LRP1B: variants seen among roughly 807,000 people sequenced by gnomAD.
LRP1B encodes low-density lipoprotein receptor-related protein 1B.
LRP1B carries 217 observed loss-of-function variants against 556.6 expected under a neutral mutation model. That is an observed-to-expected ratio of 0.39 (90% CI 0.35 to 0.44). LRP1B has a LOEUF of 0.44. Ranked by LOEUF, LRP1B falls within the 20% of genes least tolerant of loss-of-function variation. The pLI, the probability that LRP1B is intolerant of heterozygous loss-of-function variation, is 1.00. For synonymous variants in LRP1B, 2,047 were observed against 1,865.8 expected, an observed-to-expected ratio of 1.10 and a Z score of -2.50; for missense variants, 5,053 against 5,620.8, an observed-to-expected ratio of 0.90 and a Z score of 3.23.
At chr2:141,722,441 T>C (rs1692856880) in intron 2 of LRP1B, among the ~76,000 whole-genome samples, 2 of 152,072 alleles carry the variant, frequency 1.3e-5, no homozygotes, top group Non-Finnish European at 2.9e-5. Flanking sequence ...CGGTTAGATA[T>C]CTTTGGTGCA....
chr2:142,022,041 G>A (rs1251469385), intron 1 of LRP1B, among the ~76,000 whole-genome samples: 2 of 151,968 alleles, frequency 1.3e-5, no homozygotes, highest in Admixed American at 1.3e-4. Context: ...AGAACACAAC[G>A]AGCATGAAAC....
chr2:140,905,969 T>C (rs1475280498), intron 22 of LRP1B, among the ~76,000 whole-genome samples: 1 of 152,152 alleles, frequency 6.6e-6, no homozygotes, highest in Admixed American at 6.6e-5. Context: ...AAAAATCTCT[T>C]CACTAGAATC....
chr2:141,416,435 A>T (rs1691103496), intron 3 of LRP1B, among the ~76,000 whole-genome samples: 1 of 146,678 alleles, frequency 6.8e-6, no homozygotes, highest in Non-Finnish European at 1.5e-5. Flanking sequence ...AATTCTTAAT[A>T]TTTGACAGCC....
intron 3 of LRP1B, among the ~76,000 whole-genome samples, chr2:141,359,886 G>A (rs976166546): frequency 2.6e-5 from 4 of 151,816 alleles, no homozygotes; most frequent in South Asian, 2.1e-4. Context: ...GTGAATACTG[G>A]TAGCCAAGTA....
intron 31 of LRP1B, among the ~76,000 whole-genome samples, chr2:140,816,639 C>G (rs924750752): frequency 6.6e-6 from 1 of 152,028 alleles, no homozygotes; most frequent in Non-Finnish European, 1.5e-5. Flanking sequence ...TCACATAACT[C>G]CCTCCATATA....
chr2:141,826,234 T>C (rs549331607), intron 1 of LRP1B, among the ~76,000 whole-genome samples: 4 of 151,352 alleles, frequency 2.6e-5, no homozygotes, highest in Non-Finnish European at 5.9e-5. Context: ...TATTGTTCTG[T>C]ATATTCCCAT....
At chr2:141,902,316 T>G (rs1699641653) in intron 1 of LRP1B, among the ~76,000 whole-genome samples, 1 of 151,896 alleles carries the variant, frequency 6.6e-6, no homozygotes, top group Non-Finnish European at 1.5e-5. Flanking sequence ...CTGTTAAATT[T>G]TTATTAATTT....
rs79457767 is a variant in LRP1B at position 140,713,392 on chromosome 2, A to C, written c.6023+2581T>G. Among the ~76,000 whole-genome samples the C allele has an allele frequency of 6.5e-3, 984 of 150,908 alleles. 5 individuals are homozygous for C. The highest frequency in any genetic ancestry group is 0.023 in the African/African-American group (936 of 41,126). ...GCCTCCCTCTTACATATTTGTCTTG[A>C]GCTCTCTCCATTACTTGGCTTGAGG... On this transcript the variant is annotated intron_variant, in intron 37 of 90. Coordinates refer to ENST00000389484, the MANE Select transcript of LRP1B (RefSeq NM_018557.3).
chr2:140,357,937 CT>C (rs2105134361), intron 74 of LRP1B, 41 bp downstream of exon 74: 1 of 1,581,020 alleles, frequency 6.3e-7, no homozygotes. Context: ...AGAAGTTAGA[CT>C]TGTGTATCCC....
chr2:140,683,720 G>A (rs958963110), intron 41 of LRP1B: 2 of 757,690 alleles, frequency 2.6e-6, no homozygotes, highest in African/African-American at 3.5e-5. Context: ...GAGACACTCT[G>A]TGCTCCCCGG....
At chr2:140,475,002 T>G (rs949851291) in intron 60 of LRP1B, 136 bp downstream of exon 60, 3 of 335,344 alleles carry the variant, frequency 8.9e-6, no homozygotes, top group South Asian at 2.7e-4. Flanking sequence ...TACCAATATT[T>G]TTATAAAGAA....
chr2:141,827,846 A>G (rs1233881435), intron 1 of LRP1B, among the ~76,000 whole-genome samples: 3 of 152,130 alleles, frequency 2.0e-5, no homozygotes, highest in Non-Finnish European at 2.9e-5. Flanking sequence ...TATATACTTT[A>G]TCTACATATC....
intron 2 of LRP1B, among the ~76,000 whole-genome samples, chr2:141,753,051 C>T (rs1694176653): frequency 6.7e-6 from 1 of 149,054 alleles, no homozygotes; most frequent in African/African-American, 2.5e-5. Context: ...GAGTTCAAGA[C>T]CAGCCTAACC....
At chr2:140,392,956 A>T (rs1329454391) in intron 66 of LRP1B, among the ~76,000 whole-genome samples, 1 of 149,744 alleles carries the variant, frequency 6.7e-6, no homozygotes, top group Non-Finnish European at 1.5e-5. Context: ...CAGAGACAGT[A>T]TTCTGCTCTG....
chr2:141,564,513 T>C (rs939987343), intron 2 of LRP1B, among the ~76,000 whole-genome samples: 6 of 152,130 alleles, frequency 3.9e-5, no homozygotes, highest in Non-Finnish European at 7.4e-5. Context: ...TAGAAATTAT[T>C]CGAATTTGAA....
At chr2:141,005,270 T>A (rs570781930) in intron 15 of LRP1B, 65 bp downstream of exon 15, 1 of 1,540,078 alleles carries the variant, frequency 6.5e-7, no homozygotes, top group African/African-American at 1.4e-5. Context: ...TCCTTTAGTT[T>A]CTTCTGCTTC....
Position 141,971,194 on chromosome 2 carries a change from C to T in LRP1B, c.82+159454G>A, listed in dbSNP as rs533161271. On this transcript the variant is annotated intron_variant, in intron 1 of 90. Transcript: ENST00000389484. ...ATAAACTGAGCTATGTTGTGATGTC[C>T]CAAATATCAATTTTGTCTCTTACTA... Among the ~76,000 whole-genome samples the T allele has an allele frequency of 5.9e-5, 9 of 151,404 alleles. No individual in the cohort carries two copies. The East Asian group carries it at 1.6e-3, about 26-fold the overall frequency.
intron 3 of LRP1B, among the ~76,000 whole-genome samples, chr2:141,295,746 A>AACACACACACACACACACAC (rs376812743): frequency 0.017 from 2,188 of 130,548 alleles, 73 homozygotes; most frequent in East Asian, 0.039. Flanking sequence ...TGAGGAGAGA[A>AACACACACACACACACACAC]ACACACACAC....
intron 2 of LRP1B, among the ~76,000 whole-genome samples, chr2:141,780,649 G>A (rs917823665): frequency 3.3e-5 from 5 of 152,036 alleles, no homozygotes; most frequent in Non-Finnish European, 5.9e-5. Flanking sequence ...ATTATGAGCC[G>A]GGTCCAGCCA....
Sources: gnomAD v4.1 joint callset for allele counts (sites outside exome capture counted in the v4.1 genomes callset) on GRCh38, gnomAD v4.1.1 for gene constraint, MANE v1.5 for transcripts, NCBI Gene and HGNC (gene_info 2026-07-23, HGNC 2026-07-21) for gene names.